SEZ6L: variants seen among roughly 807,000 people sequenced by gnomAD.
The protein encoded by SEZ6L is seizure related 6 homolog like, also known as seizure 6-like protein.
In SEZ6L, 37 loss-of-function variants were observed where a neutral mutation model predicts 106.2. The observed-to-expected ratio is 0.35, with a 90% CI of 0.27 to 0.46. The LOEUF (loss-of-function observed/expected upper bound fraction) is 0.46, where lower values mean the gene tolerates loss of function less well. Ranked by LOEUF, SEZ6L falls within the 20% of genes least tolerant of loss-of-function variation. The pLI is 1.00. For synonymous variants in SEZ6L, 541 were observed against 570.4 expected, an observed-to-expected ratio of 0.95 and a Z score of 0.73; for missense variants, 1,172 against 1,332.8, an observed-to-expected ratio of 0.88 and a Z score of 1.88.
chr22:26,252,239 G>T (rs1340014728), intron 1 of SEZ6L, among the ~76,000 whole-genome samples: 1 of 152,174 alleles, frequency 6.6e-6, no homozygotes, highest in Non-Finnish European at 1.5e-5. Context: ...TAAGAAAAGG[G>T]TAACCTAACT....
chr22:26,266,145 G>A (rs2080169600), intron 1 of SEZ6L, among the ~76,000 whole-genome samples: 1 of 152,182 alleles, frequency 6.6e-6, no homozygotes, highest in African/African-American at 2.4e-5. Context: ...GTCAGAGCAA[G>A]AGGCTGCGGA....
chr22:26,348,574 GAAA>G (rs2083097644), intron 11 of SEZ6L, among the ~76,000 whole-genome samples: 6 of 87,494 alleles, frequency 6.9e-5, no homozygotes, highest in Non-Finnish European at 1.0e-4. Flanking sequence ...AGGAAAGAAA[GAAA>G]GAAAGAAAGA....
At chr22:26,356,955 CTT>C (rs35417367) in intron 12 of SEZ6L, among the ~76,000 whole-genome samples, 4 of 143,450 alleles carry the variant, frequency 2.8e-5, no homozygotes, top group Admixed American at 7.0e-5. Flanking sequence ...TTCCTCAGAA[CTT>C]TTTTTTTTTT....
At chr22:26,252,415 T>C (rs538160404) in intron 1 of SEZ6L, among the ~76,000 whole-genome samples, 2 of 152,340 alleles carry the variant, frequency 1.3e-5, no homozygotes, top group Non-Finnish European at 2.9e-5. Context: ...TGTATATATA[T>C]AGATATTTCA....
intron 1 of SEZ6L, among the ~76,000 whole-genome samples, chr22:26,212,311 T>C (rs2078184473): frequency 6.6e-6 from 1 of 152,232 alleles, no homozygotes; most frequent in South Asian, 2.1e-4. Flanking sequence ...CATTTTTATC[T>C]TCTTTCTATG....
Position 26,382,686 on chromosome 22 carries a change from G to A in SEZ6L, c.*2391G>A, listed in dbSNP as rs1430959844. The stretch of plus-strand genomic sequence containing the variant: ...AGTGTGATTGAAAAGACAGGTTGGT[G>A]TCTATTTTTCTTTTTAAAATATCTG... On this transcript the variant is annotated 3_prime_UTR_variant, in exon 17 of 17. Transcript: ENST00000248933. The A allele has an allele frequency of 6.6e-6, 1 of 151,946 alleles. No individual in the cohort carries two copies. The highest frequency in any genetic ancestry group is 1.5e-5 in the Non-Finnish European group (1 of 68,000). The allele number at this position is 151,946 out of a possible 1,614,324, so 9.4% of individuals were successfully genotyped here.
chr22:26,367,872 A>G (rs1400675443), intron 13 of SEZ6L, among the ~76,000 whole-genome samples: 1 of 152,174 alleles, frequency 6.6e-6, no homozygotes, highest in African/African-American at 2.4e-5. Context: ...TTATTGCTTT[A>G]AGCCTCGCCC....
At chr22:26,312,368 C>T (rs1428340565) in intron 8 of SEZ6L, among the ~76,000 whole-genome samples, 2 of 152,170 alleles carry the variant, frequency 1.3e-5, no homozygotes, top group African/African-American at 4.8e-5. Flanking sequence ...AGTGTGTGTG[C>T]ATTATCTGAT....
intron 3 of SEZ6L, among the ~76,000 whole-genome samples, chr22:26,294,721 A>AACAC (rs56000206): frequency 0.02 from 2,897 of 148,244 alleles, 36 homozygotes; most frequent in African/African-American, 0.029. Flanking sequence ...CACGTGCATA[A>AACAC]ACACACACAC....
intron 1 of SEZ6L, among the ~76,000 whole-genome samples, chr22:26,197,781 A>C (rs1031293301): frequency 3.3e-5 from 5 of 152,116 alleles, no homozygotes; most frequent in African/African-American, 1.2e-4. Context: ...GATCTTTCCA[A>C]TCTCCAGTAG....
chr22:26,367,040 C>T (rs762957551), intron 13 of SEZ6L, among the ~76,000 whole-genome samples: 21 of 152,132 alleles, frequency 1.4e-4, no homozygotes, highest in Non-Finnish European at 1.2e-4. Flanking sequence ...AATATATATA[C>T]ATTTACATAC....
At position 26,203,998 on chromosome 22, in the gene SEZ6L, G is replaced by A. The variant is rs544623310; in HGVS notation, c.94+34235G>A. Among the ~76,000 whole-genome samples, 31 of 152,232 alleles carry A rather than the reference G, an allele frequency of 2.0e-4. No homozygotes were observed. The East Asian group carries it at 4.6e-3, about 23-fold the overall frequency. ...GCTTTGAATGGGGGAGAAAGCTTCC[G>A]AAATGCTTCCCCAAGTGTTTCAAAT... On this transcript the variant is annotated intron_variant, in intron 1 of 16. Coordinates refer to ENST00000248933, the MANE Select transcript of SEZ6L (RefSeq NM_021115.5).
rs116549423 is a variant in SEZ6L, at chr22:26,372,352, C to T, written c.2795-1099C>T. Among the ~76,000 whole-genome samples the T allele has an allele frequency of 6.1e-3, 923 of 152,356 alleles. 5 individuals carry two copies. The highest frequency in any genetic ancestry group is 0.021 in the African/African-American group (886 of 41,582). On this transcript the variant is annotated intron_variant, in intron 13 of 16. Transcript: ENST00000248933. ...CTAAGATTCCATGGACATTCACGCA[C>T]TCTCACTCAACCACGGTGCAACTCA...
intron 1 of SEZ6L, among the ~76,000 whole-genome samples, chr22:26,183,493 GA>G (rs1939544677): frequency 6.6e-6 from 1 of 152,100 alleles, no homozygotes; most frequent in Admixed American, 6.5e-5. Flanking sequence ...AGTTGCTATT[GA>G]AACAAAGCAA....
chr22:26,191,090 T>C (rs539233407), intron 1 of SEZ6L, among the ~76,000 whole-genome samples: 1 of 152,314 alleles, frequency 6.6e-6, no homozygotes, highest in East Asian at 1.9e-4. Flanking sequence ...TAAAACACTA[T>C]CCTATAAATG....
chr22:26,268,038 A>G (rs1257360632), intron 1 of SEZ6L, among the ~76,000 whole-genome samples: 3 of 152,336 alleles, frequency 2.0e-5, no homozygotes, highest in South Asian at 2.1e-4. Flanking sequence ...CTGCCTCTCT[A>G]TAGAACAATG....
intron 9 of SEZ6L, among the ~76,000 whole-genome samples, chr22:26,334,834 G>T (rs2082596214): frequency 6.6e-6 from 1 of 152,146 alleles, no homozygotes; most frequent in South Asian, 2.1e-4. Context: ...GGGAAGCTTT[G>T]TGGTCCTACA....
In SEZ6L at chr22:26,342,707, A is replaced by AAAGAAAAGAAAAG. The variant is rs145388635; in HGVS notation, c.2212+2077_2212+2078insGAAAAGAAAAGAA. Among the ~76,000 whole-genome samples the AAAGAAAAGAAAAG allele has an allele frequency of 2.9e-3, 432 of 146,988 alleles. 4 individuals are homozygous for AAAGAAAAGAAAAG. The highest frequency in any genetic ancestry group is 0.011 in the African/African-American group (398 of 37,874). ...GAGACTCCGTCTCAAAGAAAAAAGA[A>AAAGAAAAGAAAAG]AAAAGAAAAGAATTGTCCATCTCTA... is the stretch of plus-strand genomic sequence containing the variant. On this transcript the variant is annotated intron_variant, in intron 10 of 16. Coordinates refer to ENST00000248933, the MANE Select transcript of SEZ6L (RefSeq NM_021115.5).
At chr22:26,258,938 G>T (rs1227157956) in intron 1 of SEZ6L, among the ~76,000 whole-genome samples, 2 of 152,218 alleles carry the variant, frequency 1.3e-5, no homozygotes, top group Non-Finnish European at 2.9e-5. Context: ...AGGATCTTTT[G>T]GAGGGAGAGA....
Sources: gnomAD v4.1 joint callset for allele counts (sites outside exome capture counted in the v4.1 genomes callset) on GRCh38, gnomAD v4.1.1 for gene constraint, MANE v1.5 for transcripts, NCBI Gene and HGNC (gene_info 2026-07-23, HGNC 2026-07-21) for gene names.